The following GRID2 variants were observed in gnomAD, a reference collection of about 807,000 sequenced individuals.
GRID2 encodes glutamate ionotropic receptor delta type subunit 2.
GRID2 carries 33 observed loss-of-function variants against 114.8 expected under a neutral mutation model. The observed-to-expected ratio is 0.29, with a 90% CI of 0.22 to 0.38. GRID2 has a LOEUF of 0.38. GRID2 is among the 10% of genes least tolerant of loss of function. The probability of loss-of-function intolerance (pLI) is 1.00; values close to 1 mark genes in which losing one functional copy is unlikely to be tolerated. For synonymous variants in GRID2, 505 were observed against 449.9 expected (o/e 1.12, Z -1.55); for missense variants, 1,184 against 1,257.7 (o/e 0.94, Z 0.89).
rs141204339 is a variant in GRID2, at chr4:93,156,462, C to T, written c.735+45509C>T. Among the ~76,000 whole-genome samples, 652 of 151,598 alleles carry T rather than the reference C, an allele frequency of 4.3e-3. 9 individuals are homozygous for T. Among genetic ancestry groups the T allele is most frequent in the African/African-American group, 0.015 (629 of 41,428 alleles). On this transcript the variant is annotated intron_variant, in intron 4 of 15. Coordinates refer to ENST00000282020, the MANE Select transcript of GRID2 (RefSeq NM_001510.4). The stretch of plus-strand genomic sequence containing the variant: ...CAATAATCCAGTTCAAATAGATGGG[C>T]GTGCTCAAATGTCATAGCTGATAGA...
rs191309311 is a variant in GRID2, at chr4:93,339,817, G to A, written c.1246-55790G>A. Among the ~76,000 whole-genome samples the A allele has an allele frequency of 1.5e-3, 221 of 152,194 alleles. 1 individual carries two copies. Among genetic ancestry groups the A allele is most frequent in the South Asian group, 0.01 (49 of 4,816 alleles). Reference sequence around the variant, plus strand: ...AGGAAACACAATCATGGTGGAAGGCGAAGGGGAAGCAAGGCACCTTCTTCA... The same window carrying A: ...AGGAAACACAATCATGGTGGAAGGCAAAGGGGAAGCAAGGCACCTTCTTCA... On this transcript the variant is annotated intron_variant, in intron 8 of 15. Transcript: ENST00000282020.
intron 12 of GRID2, among the ~76,000 whole-genome samples, chr4:93,509,442 T>C (rs950913429): frequency 3.9e-5 from 6 of 152,140 alleles, no homozygotes; most frequent in African/African-American, 1.2e-4. Flanking sequence ...AACAAAGTAA[T>C]AGTAATCATC....
chr4:92,851,857 C>T (rs1161089727), intron 2 of GRID2, among the ~76,000 whole-genome samples: 7 of 151,876 alleles, frequency 4.6e-5, no homozygotes, highest in African/African-American at 1.5e-4. Flanking sequence ...AACGGTCATT[C>T]ACAAAACAGG....
At chr4:93,785,423 TGACC>T (rs956263659) in intron 1 of GRID2, among the ~76,000 whole-genome samples, 1 of 152,136 alleles carries the variant, frequency 6.6e-6, no homozygotes, top group African/African-American at 2.4e-5. Flanking sequence ...GAGGGAGTAT[TGACC>T]AATAGCCAGG....
chr4:93,107,088 T>G (rs1046082908), intron 3 of GRID2, among the ~76,000 whole-genome samples: 10 of 152,102 alleles, frequency 6.6e-5, no homozygotes, highest in Non-Finnish European at 1.3e-4. Context: ...TCGCCTGAGC[T>G]CAGCAGTTCA....
chr4:92,789,541 C>T (rs1243510494), intron 2 of GRID2, among the ~76,000 whole-genome samples: 10 of 151,788 alleles, frequency 6.6e-5, no homozygotes, highest in Non-Finnish European at 1.3e-4. Flanking sequence ...TAACTCTCTC[C>T]TCTTTCGGAT....
intron 3 of GRID2, among the ~76,000 whole-genome samples, chr4:93,093,384 G>T (rs1165131749): frequency 1.3e-5 from 2 of 151,956 alleles, no homozygotes; most frequent in Admixed American, 6.6e-5. Context: ...GTCCCAACTG[G>T]CATAGTCATT....
chr4:93,664,659 G>A (rs1365237684), intron 14 of GRID2, among the ~76,000 whole-genome samples: 1 of 152,150 alleles, frequency 6.6e-6, no homozygotes, highest in African/African-American at 2.4e-5. Flanking sequence ...GTAGGGACGT[G>A]AAAATTGGGA....
At position 93,136,130 on chromosome 4, in the gene GRID2, C is replaced by G. The variant is rs568509573; in HGVS notation, c.735+25177C>G. On this transcript the variant is annotated intron_variant, in intron 4 of 15. Coordinates refer to ENST00000282020, the MANE Select transcript of GRID2 (RefSeq NM_001510.4). ...AGCTAATGTCCAGGCGGTTGTATAG[C>G]CTTTCCAACGTCACACCACAGATTT... Among the ~76,000 whole-genome samples, 110 of 152,140 alleles carry G rather than the reference C, an allele frequency of 7.2e-4. No homozygotes were observed. The South Asian group carries it at 0.022, about 30-fold the overall frequency.
intron 2 of GRID2, among the ~76,000 whole-genome samples, chr4:92,796,511 A>G (rs188406774): frequency 2.0e-5 from 3 of 151,908 alleles, no homozygotes. Context: ...CATAAACCCA[A>G]CTTTATTTGT....
At chr4:92,481,320 A>C (rs1722578285) in intron 1 of GRID2, among the ~76,000 whole-genome samples, 1 of 152,190 alleles carries the variant, frequency 6.6e-6, no homozygotes, top group Non-Finnish European at 1.5e-5. Flanking sequence ...AAATTACGGA[A>C]AGAAAAAGAT....
intron 2 of GRID2, among the ~76,000 whole-genome samples, chr4:92,869,540 A>G (rs1745124795): frequency 6.6e-6 from 1 of 152,340 alleles, no homozygotes; most frequent in African/African-American, 2.4e-5. Flanking sequence ...TGTCCAAAAC[A>G]TGGTAGATCT....
chr4:93,067,745 G>A (rs1728430756), intron 2 of GRID2, among the ~76,000 whole-genome samples: 1 of 151,764 alleles, frequency 6.6e-6, no homozygotes, highest in African/African-American at 2.4e-5. Flanking sequence ...TATTTATTAA[G>A]CAGGGACACT....
chr4:92,457,013 ACTTAT>A (rs1183672321), intron 1 of GRID2, among the ~76,000 whole-genome samples: 1 of 152,104 alleles, frequency 6.6e-6, no homozygotes, highest in African/African-American at 2.4e-5. Flanking sequence ...TCTGTCTCCA[ACTTAT>A]CTTCTAGGCT....
chr4:92,701,064 A>G (rs2149301288), intron 2 of GRID2, among the ~76,000 whole-genome samples: 1 of 152,178 alleles, frequency 6.6e-6, no homozygotes, highest in East Asian at 1.9e-4. Context: ...GTAGTGAGCA[A>G]CCTTACTGTG....
At chr4:93,397,822 C>T (rs1765482154) in intron 9 of GRID2, among the ~76,000 whole-genome samples, 1 of 151,792 alleles carries the variant, frequency 6.6e-6, no homozygotes, top group African/African-American at 2.4e-5. Context: ...ACTCTTAATA[C>T]CTAATACAGT....
At chr4:93,631,968 G>GATGATGAGCATTTTTTC (rs1285404185) in intron 14 of GRID2, among the ~76,000 whole-genome samples, 1 of 152,186 alleles carries the variant, frequency 6.6e-6, no homozygotes, top group Admixed American at 6.5e-5. Flanking sequence ...GATGGCCAGT[G>GATGATGAGCATTTTTTC]ATGATGAGCA....
chr4:92,580,538 T>G, intron 1 of GRID2, among the ~76,000 whole-genome samples: 1 of 152,042 alleles, frequency 6.6e-6, no homozygotes, highest in East Asian at 1.9e-4. Context: ...GTAAAATGAT[T>G]TTTCATCTCA....
intron 1 of GRID2, among the ~76,000 whole-genome samples, chr4:92,398,952 G>A (rs778198919): frequency 4.6e-5 from 7 of 152,214 alleles, no homozygotes; most frequent in Admixed American, 1.3e-4. Flanking sequence ...CATAAAGTCC[G>A]TAACAACTCA....
Sources: gnomAD v4.1 joint callset for allele counts (sites outside exome capture counted in the v4.1 genomes callset) on GRCh38, gnomAD v4.1.1 for gene constraint, MANE v1.5 for transcripts, NCBI Gene and HGNC (gene_info 2026-07-23, HGNC 2026-07-21) for gene names.